CHST9: variants seen among roughly 807,000 people sequenced by gnomAD.
The protein encoded by CHST9 is carbohydrate sulfotransferase 9.
CHST9 carries 41 observed loss-of-function variants against 44.4 expected under a neutral mutation model. The observed-to-expected ratio is 0.92, with a 90% CI of 0.72 to 1.20. CHST9 has a LOEUF of 1.20. Ranked by LOEUF, CHST9 falls within the 50% of genes most tolerant of loss-of-function variation. The pLI is 0.00. For synonymous variants in CHST9, 171 were observed against 178.4 expected, an observed-to-expected ratio of 0.96 and a Z score of 0.33; for missense variants, 504 against 516.5, an observed-to-expected ratio of 0.98 and a Z score of 0.23.
chr18:27,138,455 A>G (rs1231080006), intron 2 of CHST9, among the ~76,000 whole-genome samples: 1 of 152,132 alleles, frequency 6.6e-6, no homozygotes, highest in African/African-American at 2.4e-5. Context: ...CTCTGTGCCA[A>G]TTAGCTTCTC....
At chr18:26,921,302 G>A (rs1186963260) in intron 5 of CHST9, among the ~76,000 whole-genome samples, 1 of 152,130 alleles carries the variant, frequency 6.6e-6, no homozygotes, top group African/African-American at 2.4e-5. Flanking sequence ...CTAAAGACTA[G>A]TTTAGCTGGG....
At chr18:27,023,846 T>C (rs1430210392) in intron 4 of CHST9, among the ~76,000 whole-genome samples, 2 of 152,172 alleles carry the variant, frequency 1.3e-5, no homozygotes, top group African/African-American at 4.8e-5. Flanking sequence ...GAAAACACCA[T>C]CCTATATATA....
chr18:27,169,243 C>T (rs1317354546), intron 1 of CHST9, among the ~76,000 whole-genome samples: 1 of 152,132 alleles, frequency 6.6e-6, no homozygotes, highest in African/African-American at 2.4e-5. Context: ...ATTTATCACA[C>T]AGCAATAGAA....
At chr18:26,964,025 T>TA (rs1157391412) in intron 4 of CHST9, among the ~76,000 whole-genome samples, 1 of 152,318 alleles carries the variant, frequency 6.6e-6, no homozygotes, top group African/African-American at 2.4e-5. Flanking sequence ...TAGTTCTTCT[T>TA]ATAGTTTCAT....
At chr18:27,097,858 G>A (rs1363916895) in intron 2 of CHST9, among the ~76,000 whole-genome samples, 1 of 151,988 alleles carries the variant, frequency 6.6e-6, no homozygotes. Context: ...CCCATTTCTT[G>A]TTTTTGTCAG....
intron 5 of CHST9, among the ~76,000 whole-genome samples, chr18:26,943,803 T>C (rs1310812758): frequency 1.3e-5 from 2 of 152,146 alleles, no homozygotes; most frequent in African/African-American, 4.8e-5. Flanking sequence ...AGTAAGAAGA[T>C]GGGATAAGAA....
chr18:26,914,069 G>A lies in CHST9; in HGVS notation c.*2190C>T, dbSNP rs1198790212. 6.6e-6 allele frequency: 1 copy of A among 152,144 alleles called. No homozygotes were observed. The highest frequency in any genetic ancestry group is 1.9e-4 in the East Asian group (1 of 5,186). The allele number at this position is 152,144 out of a possible 1,614,324, so 9.4% of individuals were successfully genotyped here. Reference sequence around the variant, plus strand: ...GGGCTCGTTGGAAAGGGTCAGGAAAGGAACATATACAGCAAAAGGTACAAT... The same window carrying A: ...GGGCTCGTTGGAAAGGGTCAGGAAAAGAACATATACAGCAAAAGGTACAAT... On this transcript the variant is annotated 3_prime_UTR_variant, in exon 6 of 6. Transcript: ENST00000618847.
intron 5 of CHST9, chr18:26,935,508 T>C (rs2145096846): frequency 6.6e-6 from 1 of 152,366 alleles, no homozygotes; most frequent in East Asian, 1.9e-4. Context: ...CTATTTTGTT[T>C]ATGGTCACAT....
intron 2 of CHST9, among the ~76,000 whole-genome samples, chr18:27,107,004 A>T (rs1234668547): frequency 1.3e-5 from 2 of 152,170 alleles, no homozygotes; most frequent in African/African-American, 4.8e-5. Flanking sequence ...GACATAGCTT[A>T]AATGTGGCAT....
intron 5 of CHST9, among the ~76,000 whole-genome samples, chr18:26,924,236 G>A (rs1379066141): frequency 1.3e-5 from 2 of 152,168 alleles, no homozygotes; most frequent in African/African-American, 2.4e-5. Context: ...AAAGGGAGTT[G>A]AGACAAACTT....
chr18:27,025,866 C>T (rs1156675457), intron 3 of CHST9, among the ~76,000 whole-genome samples: 1 of 152,122 alleles, frequency 6.6e-6, no homozygotes, highest in Admixed American at 6.5e-5. Flanking sequence ...TCTTCCTCCA[C>T]ACAAAATTGA....
chr18:26,989,279 G>C (rs117688031), intron 4 of CHST9, among the ~76,000 whole-genome samples: 1 of 152,170 alleles, frequency 6.6e-6, no homozygotes, highest in Admixed American at 6.5e-5. Flanking sequence ...GATTTGAACA[G>C]GCACTTCACC....
intron 2 of CHST9, among the ~76,000 whole-genome samples, chr18:27,083,222 A>G (rs1249156458): frequency 1.3e-5 from 2 of 152,154 alleles, no homozygotes; most frequent in East Asian, 3.8e-4. Flanking sequence ...AAGGGAGGCA[A>G]TGCAGCGTTC....
intron 4 of CHST9, among the ~76,000 whole-genome samples, chr18:26,977,900 G>A (rs1390897984): frequency 6.6e-6 from 1 of 151,948 alleles, no homozygotes; most frequent in African/African-American, 2.4e-5. Flanking sequence ...CATGATGCGT[G>A]CACCACCTTA....
At chr18:26,940,776 T>A (rs2056071051) in intron 5 of CHST9, among the ~76,000 whole-genome samples, 1 of 152,228 alleles carries the variant, frequency 6.6e-6, no homozygotes, top group East Asian at 1.9e-4. Context: ...TCCTAACTCC[T>A]AGTACCTAAG....
At chr18:27,085,010 T>C (rs547194901) in intron 2 of CHST9, among the ~76,000 whole-genome samples, 3 of 152,196 alleles carry the variant, frequency 2.0e-5, no homozygotes, top group Non-Finnish European at 2.9e-5. Context: ...TGTGAGAGTA[T>C]GGTTGGTACG....
At chr18:26,937,169 T>TC (rs1420152040) in intron 5 of CHST9, among the ~76,000 whole-genome samples, 1 of 152,222 alleles carries the variant, frequency 6.6e-6, no homozygotes, top group African/African-American at 2.4e-5. Flanking sequence ...TATACTTTTT[T>TC]CCCCTCTGAG....
At chr18:27,026,383 A>C (rs2057285413) in intron 3 of CHST9, among the ~76,000 whole-genome samples, 1 of 152,164 alleles carries the variant, frequency 6.6e-6, no homozygotes, top group Non-Finnish European at 1.5e-5. Flanking sequence ...GTTTAGTCTT[A>C]TGCATATATA....
intron 1 of CHST9, among the ~76,000 whole-genome samples, chr18:27,150,783 T>G (rs1017888091): frequency 6.6e-6 from 1 of 152,186 alleles, no homozygotes; most frequent in African/African-American, 2.4e-5. Flanking sequence ...ATCTACCCTA[T>G]GTATCCAACA....
Sources: allele counts gnomAD v4.1 joint callset (sites outside exome capture counted in the v4.1 genomes callset), GRCh38; gene constraint gnomAD v4.1.1; transcripts MANE v1.5; gene names NCBI Gene and HGNC (gene_info 2026-07-23, HGNC 2026-07-21).